Variants in GPR137C observed in about 807,000 individuals in gnomAD.
The protein encoded by GPR137C is integral membrane protein GPR137C.
In GPR137C, 27 loss-of-function variants were observed where a neutral mutation model predicts 43.4. The ratio of observed to expected loss-of-function variants is 0.62; its 90% CI spans 0.46 to 0.86. The LOEUF is 0.86. Among genes scored for constraint, GPR137C ranks in the 40% least tolerant of loss-of-function variants. GPR137C has a pLI of 0.00. For synonymous variants in GPR137C, 285 were observed against 226.9 expected (o/e 1.26, Z -2.30); for missense variants, 522 against 534.6 (o/e 0.98, Z 0.23).
chr14:52,600,066 A>G, intron 2 of GPR137C, 47 bp from the exon 3 acceptor site: 1 of 1,261,628 alleles, frequency 7.9e-7, no homozygotes, highest in African/African-American at 1.5e-5. Flanking sequence ...ATTAAATTTG[A>G]TTTCTTATTA....
At chr14:52,620,732 T>TA (rs936579436) in intron 3 of GPR137C, among the ~76,000 whole-genome samples, 22 of 151,612 alleles carry the variant, frequency 1.5e-4, no homozygotes, top group African/African-American at 4.8e-4. Context: ...TAAAAACTAT[T>TA]AAAAAAACCA....
Position 52,573,595 on chromosome 14 carries a change from C to T in GPR137C, c.444+20004C>T, listed in dbSNP as rs549499433. On this transcript the variant is annotated intron_variant, in intron 1 of 6. Transcript: ENST00000321662. ...ACTCACGATGGATTGAAGACTTAAA[C>T]GTAAGACCTAAAACCATAAAAACCC... Among the ~76,000 whole-genome samples, 37 of 152,130 alleles carry T rather than the reference C, an allele frequency of 2.4e-4. 1 individual carries two copies. Among genetic ancestry groups the T allele is most frequent in the Admixed American group, 9.8e-4 (15 of 15,258 alleles).
chr14:52,612,273 G>C (rs2039046440), intron 3 of GPR137C: 3 of 947,002 alleles, frequency 3.2e-6, no homozygotes, highest in Non-Finnish European at 3.8e-6. Flanking sequence ...TTTATACCCT[G>C]CTTTTCCCCT....
At chr14:52,559,705 C>A (rs938992667) in intron 1 of GPR137C, among the ~76,000 whole-genome samples, 1 of 151,960 alleles carries the variant, frequency 6.6e-6, no homozygotes, top group Non-Finnish European at 1.5e-5. Flanking sequence ...GAAAAAGGTT[C>A]GAAAATTAGA....
chr14:52,620,019 T>C lies in GPR137C; in HGVS notation c.718-12141T>C, dbSNP rs181380846. On this transcript the variant is annotated intron_variant, in intron 3 of 6. Coordinates refer to ENST00000321662, the MANE Select transcript of GPR137C (RefSeq NM_001099652.2). ...ACTTTCCACAGATAGCAATCATAAA[T>C]TCTGGACAAAGTGTAAAAAAGCACT... is the stretch of plus-strand genomic sequence containing the variant. 6.2e-4 allele frequency among the ~76,000 whole-genome samples: 95 copies of C among 152,180 alleles called. 1 individual carries two copies. The highest frequency in any genetic ancestry group is 3.1e-3 in the East Asian group (16 of 5,190).
At chr14:52,582,053 G>A (rs1250122204) in intron 1 of GPR137C, among the ~76,000 whole-genome samples, 1 of 152,068 alleles carries the variant, frequency 6.6e-6, no homozygotes, top group Non-Finnish European at 1.5e-5. Context: ...TCATAAACTG[G>A]GTAGTTTATA....
At chr14:52,575,171 C>T (rs1265160132) in intron 1 of GPR137C, among the ~76,000 whole-genome samples, 1 of 152,096 alleles carries the variant, frequency 6.6e-6, no homozygotes, top group Non-Finnish European at 1.5e-5. Flanking sequence ...GTAACAAAAG[C>T]TCACAAATTT....
At chr14:52,615,649 T>C (rs1191059331) in intron 3 of GPR137C, among the ~76,000 whole-genome samples, 1 of 152,170 alleles carries the variant, frequency 6.6e-6, no homozygotes, top group East Asian at 1.9e-4. Context: ...AATCAGTGCT[T>C]TATAGTTTTC....
At chr14:52,569,424 A>G (rs1415015367) in intron 1 of GPR137C, among the ~76,000 whole-genome samples, 1 of 152,084 alleles carries the variant, frequency 6.6e-6, no homozygotes, top group Admixed American at 6.5e-5. Flanking sequence ...AAGGGAACAA[A>G]ACTGGATGGA....
intron 3 of GPR137C, among the ~76,000 whole-genome samples, chr14:52,606,225 A>G (rs1007164400): frequency 6.6e-6 from 1 of 152,024 alleles, no homozygotes; most frequent in Non-Finnish European, 1.5e-5. Flanking sequence ...ACTGTTACTC[A>G]TTATTGATGT....
At chr14:52,592,278 T>C (rs2139509464) in intron 1 of GPR137C, among the ~76,000 whole-genome samples, 1 of 152,324 alleles carries the variant, frequency 6.6e-6, no homozygotes, top group African/African-American at 2.4e-5. Flanking sequence ...AGCTTCGTTC[T>C]TTTTGCTGTT....
At chr14:52,612,487 TA>T (rs2039048849) in intron 3 of GPR137C, 2 of 980,876 alleles carry the variant, frequency 2.0e-6, no homozygotes, top group Non-Finnish European at 2.4e-6. Flanking sequence ...GAGGTTTTAG[TA>T]ATTACATCTA....
intron 1 of GPR137C, among the ~76,000 whole-genome samples, chr14:52,585,972 A>G (rs1594791265): frequency 6.6e-6 from 1 of 152,212 alleles, no homozygotes; most frequent in African/African-American, 2.4e-5. Context: ...ATAGGGCAGC[A>G]CTGTGAGAGG....
At chr14:52,579,185 G>A (rs986566039) in intron 1 of GPR137C, among the ~76,000 whole-genome samples, 2 of 152,090 alleles carry the variant, frequency 1.3e-5, no homozygotes, top group African/African-American at 4.8e-5. Flanking sequence ...TTGGGGTGGG[G>A]GAGAATCTTT....
chr14:52,615,960 A>G (rs1191494803), intron 3 of GPR137C, among the ~76,000 whole-genome samples: 1 of 151,960 alleles, frequency 6.6e-6, no homozygotes, highest in Admixed American at 6.6e-5. Context: ...TCATTTTTTT[A>G]TTTTCTCACA....
chr14:52,632,201 C>T lies in GPR137C; in HGVS notation c.759C>T (p.Val253=), dbSNP rs1219194210. The part of the protein sequence containing the change: ...LCQTVVVGSV[V]ILLYSSRACY... ...AGACTGTCGTCGTGGGCTCTGTAGT[C>T]ATTCTTCTGTACTCTTCCAGAGCTT... The change falls in exon 4 of 7, where the codon GTC becomes GTT. Residue 253 remains valine, a synonymous_variant. Transcript: ENST00000321662. The T allele has an allele frequency of 2.5e-6, 4 of 1,606,182 alleles. No homozygotes were observed. The highest frequency in any genetic ancestry group is 2.6e-6 in the Non-Finnish European group (3 of 1,173,076).
At chr14:52,617,866 T>C (rs2039117183) in intron 3 of GPR137C, among the ~76,000 whole-genome samples, 1 of 152,212 alleles carries the variant, frequency 6.6e-6, no homozygotes, top group Admixed American at 6.5e-5. Context: ...GGATAAGAGC[T>C]GTCCATACCT....
At chr14:52,575,440 G>C (rs1297432828) in intron 1 of GPR137C, among the ~76,000 whole-genome samples, 2 of 152,150 alleles carry the variant, frequency 1.3e-5, no homozygotes, top group East Asian at 3.9e-4. Context: ...AGTTAAGTCG[G>C]GCATGTAAAG....
rs1428660142 is a variant in GPR137C, at chr14:52,637,296, G to C, written c.*2181G>C. The C allele has an allele frequency of 6.6e-6, 1 of 152,106 alleles. No homozygotes were observed. Among genetic ancestry groups the C allele is most frequent in the East Asian group, 1.9e-4 (1 of 5,196 alleles). The allele number at this position is 152,106 out of a possible 1,614,324, so 9.4% of individuals were successfully genotyped here. A position where few individuals can be genotyped will look rare whatever the true frequency, so the allele number is the denominator to read the frequency against. Reference sequence around the variant, plus strand: ...GAGCACTTTAAGTTTGGTCTCGAAAGGAGTTGTTTATAAAATCAAAGGGCT... The same window carrying C: ...GAGCACTTTAAGTTTGGTCTCGAAACGAGTTGTTTATAAAATCAAAGGGCT... On this transcript the variant is annotated 3_prime_UTR_variant, in exon 7 of 7. Coordinates refer to ENST00000321662, the MANE Select transcript of GPR137C (RefSeq NM_001099652.2).
Sources: allele counts gnomAD v4.1 joint callset (sites outside exome capture counted in the v4.1 genomes callset), GRCh38; gene constraint gnomAD v4.1.1; transcripts MANE v1.5; gene names NCBI Gene and HGNC (gene_info 2026-07-23, HGNC 2026-07-21).